EML1: variants seen among roughly 807,000 people sequenced by gnomAD.
EML1 encodes EMAP like 1, also known as echinoderm microtubule-associated protein-like 1.
A neutral mutation model predicts 110.4 loss-of-function variants in EML1; 27 were observed. That is an observed-to-expected ratio of 0.24 (90% CI 0.18 to 0.34). The LOEUF (loss-of-function observed/expected upper bound fraction) is 0.34. Among genes scored for constraint, EML1 ranks in the 10% least tolerant of loss-of-function variants. EML1 has a pLI of 1.00. For missense variants in EML1, 741 were observed against 1,030.9 expected, an observed-to-expected ratio of 0.72 and a Z score of 3.85; for synonymous variants, 344 against 385.8, an observed-to-expected ratio of 0.89 and a Z score of 1.27.
chr14:99,885,575 C>T (rs1191886218), intron 4 of EML1, among the ~76,000 whole-genome samples: 3 of 152,166 alleles, frequency 2.0e-5, no homozygotes, highest in Non-Finnish European at 4.4e-5. Flanking sequence ...TTTAACACCA[C>T]ATTTTACACT....
chr14:99,894,708 C>T lies in EML1; in HGVS notation c.627C>T (p.Ser209=). 1 of 1,613,614 alleles carries T rather than the reference C, an allele frequency of 6.2e-7. No homozygotes were observed. Among genetic ancestry groups the T allele is most frequent in the Non-Finnish European group, 8.5e-7 (1 of 1,179,792 alleles). ...YMPKDQVDSY[S]LEAKVELPTK... ...CCAAAGATCAAGTGGATTCTTACAG[C>T]TTGGAAGCAAAAGTAGAACTTCCAA... Residue 209 remains serine, a synonymous_variant, in exon 6 of 22, where the codon AGC becomes AGT. Coordinates refer to ENST00000262233, the MANE Select transcript of EML1 (RefSeq NM_004434.3).
intron 1 of EML1, among the ~76,000 whole-genome samples, chr14:99,798,822 A>G (rs1431527915): frequency 6.6e-6 from 1 of 152,100 alleles, no homozygotes; most frequent in African/African-American, 2.4e-5. Flanking sequence ...CTTTTCTTAA[A>G]TTTAATTACC....
intron 17 of EML1, among the ~76,000 whole-genome samples, chr14:99,927,752 C>CAGTGGTGGTGATAGT (rs2060260799): frequency 1.1e-5 from 1 of 91,812 alleles, no homozygotes; most frequent in Non-Finnish European, 2.0e-5. Context: ...AGTCACCGAT[C>CAGTGGTGGTGATAGT]AGTGGTGGTG....
At chr14:99,742,693 C>T (rs2057056294) in intron 1 of EML1, among the ~76,000 whole-genome samples, 1 of 152,068 alleles carries the variant, frequency 6.6e-6, no homozygotes, top group Admixed American at 6.5e-5. Flanking sequence ...AACTGTAAAA[C>T]TTGTGGAGTG....
At chr14:99,757,579 G>A (rs1258552393) in intron 1 of EML1, among the ~76,000 whole-genome samples, 2 of 152,336 alleles carry the variant, frequency 1.3e-5, no homozygotes, top group Non-Finnish European at 2.9e-5. Context: ...AAGCGTGCTG[G>A]TTAGCGTTTA....
At chr14:99,790,338 A>C (rs1413394390), upstream of EML1, among the ~76,000 whole-genome samples, 1 of 152,028 alleles carries the variant, frequency 6.6e-6, no homozygotes, top group African/African-American at 2.4e-5. Context: ...ATCGGGTCTC[A>C]CTCTGTTGCC....
In EML1 at chr14:99,827,708, C is replaced by T. The variant is rs2139764978; in HGVS notation, c.68-23145C>T. On this transcript the variant is annotated intron_variant, in intron 1 of 21. Transcript: ENST00000262233. This position sits in a 1 kb window ranked among gnomAD's most constrained non-coding sequence, Gnocchi z 4.4. ...GGGAGAAGACGGCCAGCGAGAGAGG[C>T]CTCAGAAGAAACGAACCCTGCTGAC... is the stretch of plus-strand genomic sequence containing the variant. Among the ~76,000 whole-genome samples the T allele has an allele frequency of 6.6e-6, 1 of 152,296 alleles. No homozygotes were observed. Among genetic ancestry groups the T allele is most frequent in the Admixed American group, 6.5e-5 (1 of 15,298 alleles).
intron 4 of EML1, among the ~76,000 whole-genome samples, chr14:99,882,248 CAGTGAACTAATCTGATGGAG>C (rs2059397718): frequency 1.3e-5 from 2 of 152,130 alleles, no homozygotes; most frequent in Non-Finnish European, 1.5e-5. Flanking sequence ...AAAATGTAGC[CAGTGAACTAATCTGATGGAG>C]ATATTTTTCA....
chr14:99,818,397 C>A (rs2058204719), intron 1 of EML1, among the ~76,000 whole-genome samples: 1 of 152,226 alleles, frequency 6.6e-6, no homozygotes, highest in Non-Finnish European at 1.5e-5. Context: ...ATTTAATGTC[C>A]TATATCTGCA....
At chr14:99,802,752 G>A (rs978778617) in intron 1 of EML1, among the ~76,000 whole-genome samples, 9 of 152,032 alleles carry the variant, frequency 5.9e-5, no homozygotes, top group African/African-American at 1.2e-4. Context: ...TCTGGAGCCC[G>A]GGAGATGGCT....
intron 1 of EML1, among the ~76,000 whole-genome samples, chr14:99,796,588 G>A (rs989426680): frequency 3.3e-5 from 5 of 150,966 alleles, no homozygotes; most frequent in Non-Finnish European, 5.9e-5. Context: ...AACTCCTGGG[G>A]CTCAAGCAGT....
chr14:99,935,072 G>A (rs113034017), intron 17 of EML1, among the ~76,000 whole-genome samples: 2,800 of 152,324 alleles, frequency 0.018, 91 homozygotes, highest in African/African-American at 0.064. Flanking sequence ...GAGGAGCAAC[G>A]TGGCTAGAAG....
intron 1 of EML1, among the ~76,000 whole-genome samples, chr14:99,823,049 T>G (rs2058290384): frequency 6.6e-6 from 1 of 152,098 alleles, no homozygotes; most frequent in African/African-American, 2.4e-5. Context: ...CGCCGGGCCC[T>G]ACAGAGCCAT....
intron 1 of EML1, among the ~76,000 whole-genome samples, chr14:99,778,568 T>C (rs2057507363): frequency 6.6e-6 from 1 of 152,208 alleles, no homozygotes; most frequent in South Asian, 2.1e-4. Flanking sequence ...TCTCCTGTGT[T>C]GATTCCTTGT....
chr14:99,767,436 T>C (rs942313469), intron 1 of EML1, among the ~76,000 whole-genome samples: 5 of 152,200 alleles, frequency 3.3e-5, no homozygotes, highest in South Asian at 2.1e-4. Context: ...GCCCCAACTC[T>C]ACTAAAAATA....
chr14:99,927,397 A>G (rs1463228796), intron 17 of EML1, among the ~76,000 whole-genome samples: 1 of 152,168 alleles, frequency 6.6e-6, no homozygotes, highest in Non-Finnish European at 1.5e-5. Flanking sequence ...TATTTCCCAT[A>G]AAGTGATTGC....
intron 1 of EML1, among the ~76,000 whole-genome samples, chr14:99,817,558 G>A (rs1233909132): frequency 6.6e-6 from 1 of 152,190 alleles, no homozygotes; most frequent in Non-Finnish European, 1.5e-5. Flanking sequence ...GGAAATTAGA[G>A]CTTGGCATTG....
intron 1 of EML1, among the ~76,000 whole-genome samples, chr14:99,837,532 G>A (rs1311748634): frequency 3.3e-5 from 5 of 152,152 alleles, no homozygotes; most frequent in East Asian, 1.9e-4. Context: ...CAGTAACAAC[G>A]AATGTGGATG....
intron 6 of EML1, among the ~76,000 whole-genome samples, chr14:99,896,480 G>A (rs148392561): frequency 2.0e-5 from 3 of 152,036 alleles, no homozygotes; most frequent in South Asian, 4.1e-4. Context: ...TTTATTAAAC[G>A]GTTATATCAC....
Sources: gnomAD v4.1 joint callset for allele counts (sites outside exome capture counted in the v4.1 genomes callset) on GRCh38, gnomAD v4.1.1 for gene constraint, Gnocchi (gnomAD v3.1) non-coding constraint, MANE v1.5 for transcripts, NCBI Gene and HGNC (gene_info 2026-07-23, HGNC 2026-07-21) for gene names.